Variants in RAPGEF3 observed in about 807,000 individuals in gnomAD.
RAPGEF3 encodes the protein Rap guanine nucleotide exchange factor 3.
Under a neutral mutation model 129.8 loss-of-function variants are expected in RAPGEF3, and 103 were observed. The observed-to-expected ratio is 0.79, with a 90% confidence interval of 0.68 to 0.93. The LOEUF (loss-of-function observed/expected upper bound fraction) is 0.93. Ranked by LOEUF, RAPGEF3 falls within the 40% of genes least tolerant of loss-of-function variation. The pLI is 0.00. For missense variants in RAPGEF3, 1,117 were observed against 1,207.4 expected, an observed-to-expected ratio of 0.93 and a Z score of 1.11; for synonymous variants, 436 against 482.6, an observed-to-expected ratio of 0.90 and a Z score of 1.26.
rs934083326 is a variant in RAPGEF3, at chr12:47,737,519, G to C, written c.*48C>G. 3 of 1,556,832 alleles carry C rather than the reference G, an allele frequency of 1.9e-6. No individual in the cohort carries two copies. The highest frequency in any genetic ancestry group is 3.4e-5 in the Admixed American group (2 of 58,996). Reference sequence around the variant, plus strand: ...GAGTATCTTGGCCCGGCACACCCTGGCTTTCCCGGCTGCAAGTGCCTGCTC... The same window carrying C: ...GAGTATCTTGGCCCGGCACACCCTGCCTTTCCCGGCTGCAAGTGCCTGCTC... On this transcript the variant is annotated 3_prime_UTR_variant, in exon 28 of 28. Transcript: ENST00000449771.
At position 47,740,287 on chromosome 12, in the gene RAPGEF3, C is replaced by T. The variant is rs747310111; in HGVS notation, c.2322+18G>A. On this transcript the variant is annotated intron_variant, in intron 22 of 27. Coordinates refer to ENST00000449771, the MANE Select transcript of RAPGEF3 (RefSeq NM_001098531.4). ...CTGAGGCCTGACCTCAGGAGGGGGC[C>T]CTCCAGACCACACTTACCTCCCAGG... is the stretch of plus-strand genomic sequence containing the variant. 19 of 1,613,632 alleles carry T rather than the reference C, an allele frequency of 1.2e-5. No individual in the cohort carries two copies. The highest frequency in any genetic ancestry group is 4.2e-6 in the Non-Finnish European group (5 of 1,179,754).
chr12:47,741,531 C>G lies in RAPGEF3; in HGVS notation c.1897G>C (p.Val633Leu). The G allele has an allele frequency of 6.2e-7, 1 of 1,614,128 alleles. No homozygotes were observed. Among genetic ancestry groups the G allele is most frequent in the Non-Finnish European group, 8.5e-7 (1 of 1,180,030 alleles). The change falls in exon 19 of 28, where the codon GTC (valine) becomes CTC (leucine). Residue 633 changes from valine to leucine, a missense_variant. By Grantham distance (32) the Val-to-Leu change is conservative. Around this residue, in one of 3 missense-constraint regions of RAPGEF3, gnomAD observed 643 missense variants for 673.4 expected, o/e 0.95. Coordinates refer to ENST00000449771, the MANE Select transcript of RAPGEF3 (RefSeq NM_001098531.4). ...SLGLNERLFVVNPQEVHELIP... is the reference protein window; with the variant it reads ...SLGLNERLFVLNPQEVHELIP... Reference sequence around the variant, plus strand: ...AGCTCATGCACTTCCTGTGGGTTGACAACAAAGAGACGCTCATTGAGCCCC... The same window carrying G: ...AGCTCATGCACTTCCTGTGGGTTGAGAACAAAGAGACGCTCATTGAGCCCC...
At chr12:47,750,473 C>A (rs1305511675) in intron 6 of RAPGEF3, 48 bp from the exon 7 acceptor site, 1 of 1,535,674 alleles carries the variant, frequency 6.5e-7, no homozygotes. Context: ...GTGGGCCCGT[C>A]AGGTGCAGGG....
At position 47,741,583 on chromosome 12, in the gene RAPGEF3, T is replaced by C. The variant is rs774266853; in HGVS notation, c.1845A>G (p.Pro615=). The change falls in exon 19 of 28, where the codon CCA becomes CCG. Residue 615 remains proline, a synonymous_variant. Transcript: ENST00000449771. ...NSAGDAIGLQ[P]DARGVATSLG... is the part of the protein sequence containing the mutation. ...GAGATGTGGCCACACCACGGGCATC[T>C]GGCTGCAGGCCAATGGCATCTGCAA... The C allele has an allele frequency of 3.7e-6, 6 of 1,603,018 alleles. No homozygotes were observed. In the South Asian group the frequency reaches 6.6e-5, roughly 18 times the overall value.
chr12:47,745,065 C>T (rs1941354257), intron 16 of RAPGEF3: 2 of 152,846 alleles, frequency 1.3e-5, no homozygotes, highest in African/African-American at 4.8e-5. Flanking sequence ...CTCCTCCACA[C>T]TTCCGTAGCT....
chr12:47,747,127 G>C (rs936612040), intron 15 of RAPGEF3, among the ~76,000 whole-genome samples: 2 of 152,182 alleles, frequency 1.3e-5, no homozygotes, highest in African/African-American at 4.8e-5. Context: ...GGCAGATGCA[G>C]ACCCAGGGTT....
In RAPGEF3 at chr12:47,740,814, T is replaced by C; in HGVS notation, c.2059A>G (p.Ile687Val). 2 of 1,613,858 alleles carry C rather than the reference T, an allele frequency of 1.2e-6. No homozygotes were observed. The highest frequency in any genetic ancestry group is 1.7e-6 in the Non-Finnish European group (2 of 1,179,962). Reference sequence around the variant, plus strand: ...TGCTGGGGGCCCAGCACATAGTGGATCAGCTCCACCTGGGTGGGGTCAGCA... The same window carrying C: ...TGCTGGGGGCCCAGCACATAGTGGACCAGCTCCACCTGGGTGGGGTCAGCA... ...LFNSIHQVEL[I>V]HYVLGPQHLR... The change falls in exon 21 of 28, where the codon ATC becomes GTC. Residue 687 changes from isoleucine to valine, a missense_variant. By Grantham distance (29) the Ile-to-Val change is conservative. Around this residue, in one of 3 missense-constraint regions of RAPGEF3, gnomAD observed 643 missense variants for 673.4 expected, o/e 0.95. Coordinates refer to ENST00000449771, the MANE Select transcript of RAPGEF3 (RefSeq NM_001098531.4).
At chr12:47,746,560 C>T in intron 16 of RAPGEF3, 1 of 673,504 alleles carries the variant, frequency 1.5e-6, no homozygotes, top group Non-Finnish European at 2.7e-6. Flanking sequence ...CTCCAGCCAC[C>T]ATTCCTCATC....
chr12:47,748,001 G>A, intron 13 of RAPGEF3, 73 bp downstream of exon 13: 1 of 1,553,474 alleles, frequency 6.4e-7, no homozygotes, highest in Non-Finnish European at 8.8e-7. Flanking sequence ...CAGCCACGCT[G>A]GTGAGATTTT....
chr12:47,748,520 G>A lies in RAPGEF3; in HGVS notation c.1177C>T (p.Pro393Ser). The change falls in exon 12 of 28, where the codon CCA becomes TCA. Residue 393 changes from proline (P) to serine (S), a missense_variant. Physicochemically the swap from Pro to Ser is moderately conservative, Grantham distance 74. Around this residue, in one of 3 missense-constraint regions of RAPGEF3, gnomAD observed 107 missense variants for 160.7 expected, o/e 0.67. Coordinates refer to ENST00000449771, the MANE Select transcript of RAPGEF3 (RefSeq NM_001098531.4). ...RNRYTVMSGTPEKILELLLEA... is the reference protein window; with the variant it reads ...RNRYTVMSGTSEKILELLLEA... ...AACAGAAGCTCTAGGATCTTCTCTGGGGTGCCAGACATCACTGTATACCTA... is the reference window on the plus strand; with the variant it reads ...AACAGAAGCTCTAGGATCTTCTCTGAGGTGCCAGACATCACTGTATACCTA... The A allele has an allele frequency of 6.2e-7, 1 of 1,613,900 alleles. No homozygotes were observed. The highest frequency in any genetic ancestry group is 8.5e-7 in the Non-Finnish European group (1 of 1,179,918).
At chr12:47,758,185 G>A (rs1942209444) in intron 1 of RAPGEF3, 107 bp from the exon 2 acceptor site, 2 of 1,456,238 alleles carry the variant, frequency 1.4e-6, no homozygotes, top group Admixed American at 4.8e-5. Flanking sequence ...CTCTGGACTG[G>A]TCAGGCGGAG....
At chr12:47,753,747 G>C (rs981968578) in intron 2 of RAPGEF3, among the ~76,000 whole-genome samples, 3 of 152,206 alleles carry the variant, frequency 2.0e-5, no homozygotes, top group Admixed American at 6.5e-5. Context: ...AAATGCCCAG[G>C]TGGCCCCAGT....
chr12:47,741,649 C>T (rs747188330), intron 18 of RAPGEF3, 47 bp from the exon 19 acceptor site: 9 of 1,470,918 alleles, frequency 6.1e-6, no homozygotes, highest in African/African-American at 2.8e-5. Context: ...GGAGGGAGGC[C>T]GGGGACCAGC....
At chr12:47,750,633 G>C (rs1312902037) in intron 6 of RAPGEF3, among the ~76,000 whole-genome samples, 2 of 152,214 alleles carry the variant, frequency 1.3e-5, no homozygotes, top group Admixed American at 6.5e-5. Flanking sequence ...ACCCTAAGGA[G>C]TGGTTCTATC....
Position 47,738,741 on chromosome 12 carries a change from A to T in RAPGEF3, c.2475T>A (p.Ile825=), listed in dbSNP as rs1461413184. Residue 825 remains isoleucine (I), a synonymous_variant, in exon 25 of 28, where the codon ATT becomes ATA. Transcript: ENST00000449771. The part of the protein sequence containing the change: ...MPLLLKDMTF[I]HEGNHTLVEN... ...CCACTAGTGTGTGGTTTCCCTCATG[A>T]ATGAAGGTCATGTCTGCAAAGAGAT... 6.2e-7 allele frequency: 1 copy of T among 1,610,078 alleles called. No individual in the cohort carries two copies. Among genetic ancestry groups the T allele is most frequent in the South Asian group, 1.1e-5 (1 of 90,998 alleles).
intron 12 of RAPGEF3, 49 bp downstream of exon 12, chr12:47,748,405 T>C (rs763975364): frequency 2.6e-6 from 4 of 1,545,348 alleles, no homozygotes; most frequent in Middle Eastern, 2.2e-4. Context: ...CCAGGCTCCA[T>C]GGACCACCCA....
rs571016855 is a variant in RAPGEF3, at chr12:47,737,968, G to A, written c.2653+54C>T. 343 of 1,552,060 alleles carry A rather than the reference G, an allele frequency of 2.2e-4. No individual in the cohort carries two copies. The South Asian group carries it at 3.6e-3, about 16-fold the overall frequency. ...AAGTGCCTAGGATGTGCCAGCCATGGGTAACTACCATAAGCACCCCCTCCC... is the reference window on the plus strand; with the variant it reads ...AAGTGCCTAGGATGTGCCAGCCATGAGTAACTACCATAAGCACCCCCTCCC... On this transcript the variant is annotated intron_variant, in intron 27 of 27. Transcript: ENST00000449771.
intron 19 of RAPGEF3, 99 bp downstream of exon 19, chr12:47,741,406 C>T: frequency 8.6e-7 from 1 of 1,168,948 alleles, no homozygotes. Context: ...GAGCCAGGCC[C>T]CTCCTCCCTC....
intron 11 of RAPGEF3, 74 bp from the exon 12 acceptor site, chr12:47,748,616 C>A (rs1377703757): frequency 1.5e-5 from 20 of 1,341,584 alleles, no homozygotes; most frequent in Admixed American, 1.3e-4. Flanking sequence ...CATCAATAAT[C>A]AATTACATCA....
Sources: gnomAD v4.1 joint callset for allele counts (sites outside exome capture counted in the v4.1 genomes callset) on GRCh38, gnomAD v4.1.1 for gene constraint, gnomAD v4.1.1 regional missense constraint, MANE v1.5 for transcripts, NCBI Gene and HGNC (gene_info 2026-07-23, HGNC 2026-07-21) for gene names.